The following ROS1 variants were observed in gnomAD, a reference collection of about 807,000 sequenced individuals.
ROS1 encodes proto-oncogene tyrosine-protein kinase ROS.
Under a neutral mutation model 273.5 loss-of-function variants are expected in ROS1, and 263 were observed. The observed-to-expected ratio is 0.96, with a 90% confidence interval of 0.87 to 1.06. ROS1 has a LOEUF of 1.06. Among genes scored for constraint, ROS1 ranks in the 50% least tolerant of loss-of-function variants. The pLI, the probability that ROS1 is intolerant of heterozygous loss-of-function variation, is 0.00. For synonymous variants in ROS1, 1,008 were observed against 954.1 expected, an observed-to-expected ratio of 1.06 and a Z score of -1.04; for missense variants, 2,833 against 2,751.1, an observed-to-expected ratio of 1.03 and a Z score of -0.67.
chr6:117,360,002 G>A lies in ROS1; in HGVS notation c.3440C>T (p.Pro1147Leu). The change falls in exon 24 of 44, where the codon CCA (proline) becomes CTA (leucine). Residue 1147 changes from proline (P) to leucine (L), a missense_variant. Transcript: ENST00000368507. ...AAGAAGAGTTATGAGGTGAGGAAATGGGTTGATTTCTGAAAGCAAAAAAAC... is the reference window on the plus strand; with the variant it reads ...AAGAAGAGTTATGAGGTGAGGAAATAGGTTGATTTCTGAAAGCAAAAAAAC... ...VVKSTTSEIN[P>L]FPHLITLLGN... 1.2e-6 allele frequency: 2 copies of A among 1,612,836 alleles called. No individual in the cohort carries two copies. Among genetic ancestry groups the A allele is most frequent in the Non-Finnish European group, 1.7e-6 (2 of 1,179,412 alleles).
rs1461676764 is a variant in ROS1 at position 117,319,955 on chromosome 6, C to T, written c.5835G>A (p.Leu1945=). 6.2e-7 allele frequency: 1 copy of T among 1,613,502 alleles called. No homozygotes were observed. Among genetic ancestry groups the T allele is most frequent in the Admixed American group, 1.7e-5 (1 of 59,898 alleles). ...PREKLTLRLL[L]GSGAFGEVYE... is the part of the protein sequence containing the mutation. ...ACACTTCTCCAAAGGCTCCACTTCC[C>T]AGCAAGAGACGCAGAGTCAGTTTTT... Residue 1945 remains leucine, a synonymous_variant, in exon 37 of 44, where the codon CTG becomes CTA. Coordinates refer to ENST00000368507, the MANE Select transcript of ROS1 (RefSeq NM_001378902.1).
At chr6:117,345,255 A>G (rs1324812662) in intron 27 of ROS1, among the ~76,000 whole-genome samples, 1 of 152,178 alleles carries the variant, frequency 6.6e-6, no homozygotes, top group East Asian at 1.9e-4. Flanking sequence ...TTCAGGTTGG[A>G]ATGATCTTCC....
At chr6:117,396,384 T>C in intron 8 of ROS1, 120 bp from the exon 9 acceptor site, 1 of 720,626 alleles carries the variant, frequency 1.4e-6, no homozygotes, top group Non-Finnish European at 2.5e-6. Flanking sequence ...ATGAGTCTAG[T>C]TACGTGGTGC....
At chr6:117,375,515 C>T (rs1349383951) in intron 18 of ROS1, among the ~76,000 whole-genome samples, 1 of 152,106 alleles carries the variant, frequency 6.6e-6, no homozygotes, top group Non-Finnish European at 1.5e-5. Context: ...AATCTGTACC[C>T]CAAACCCCCA....
intron 2 of ROS1, among the ~76,000 whole-genome samples, chr6:117,416,825 G>T (rs911102164): frequency 2.6e-5 from 4 of 152,102 alleles, no homozygotes; most frequent in Non-Finnish European, 5.9e-5. Context: ...ACCCTGAGTT[G>T]CCCTGACCTG....
intron 19 of ROS1, 39 bp from the exon 20 acceptor site, chr6:117,365,780 A>T (rs2243383): frequency 0.51 from 734,051 of 1,431,744 alleles, 190,449 homozygotes; most frequent in African/African-American, 0.7. Flanking sequence ...GGAGAAAAAA[A>T]TGGGGATTAT....
chr6:117,294,286 T>C (rs897318787), intron 43 of ROS1, among the ~76,000 whole-genome samples: 3 of 152,074 alleles, frequency 2.0e-5, no homozygotes, highest in African/African-American at 7.2e-5. Flanking sequence ...TTATTCAACA[T>C]AGTACTGTAA....
At chr6:117,307,597 T>G (rs1775201815) in intron 42 of ROS1, among the ~76,000 whole-genome samples, 1 of 152,154 alleles carries the variant, frequency 6.6e-6, no homozygotes, top group Non-Finnish European at 1.5e-5. Flanking sequence ...TGAATCATTT[T>G]TTATGCACTA....
At chr6:117,322,130 A>T (rs1290908237) in intron 35 of ROS1, among the ~76,000 whole-genome samples, 1 of 152,148 alleles carries the variant, frequency 6.6e-6, no homozygotes, top group Non-Finnish European at 1.5e-5. Context: ...GATGATCATT[A>T]AAATTTGAAC....
intron 26 of ROS1, among the ~76,000 whole-genome samples, chr6:117,353,957 T>C (rs752219614): frequency 2.0e-5 from 3 of 152,126 alleles, no homozygotes; most frequent in Non-Finnish European, 2.9e-5. Context: ...TAAGAGAATA[T>C]TAACTAGCTG....
At chr6:117,332,819 GA>G in intron 32 of ROS1, among the ~76,000 whole-genome samples, 1 of 152,116 alleles carries the variant, frequency 6.6e-6, no homozygotes, top group Non-Finnish European at 1.5e-5. Context: ...CAATGTACCA[GA>G]ATCTCTGGGA....
chr6:117,407,646 T>C (rs573605855), intron 5 of ROS1, among the ~76,000 whole-genome samples: 1 of 152,306 alleles, frequency 6.6e-6, no homozygotes, highest in East Asian at 1.9e-4. Flanking sequence ...CTGCCCAAAG[T>C]AATTTACAGA....
At chr6:117,306,703 C>T (rs1304350733) in intron 42 of ROS1, among the ~76,000 whole-genome samples, 1 of 152,116 alleles carries the variant, frequency 6.6e-6, no homozygotes, top group Non-Finnish European at 1.5e-5. Context: ...CTAAGCTGGG[C>T]CTGTGATCTC....
chr6:117,341,856 A>T (rs1479127523), intron 29 of ROS1, among the ~76,000 whole-genome samples: 1 of 152,202 alleles, frequency 6.6e-6, no homozygotes, highest in Non-Finnish European at 1.5e-5. Context: ...ACTCCAGCTC[A>T]AGGATATGGC....
intron 32 of ROS1, among the ~76,000 whole-genome samples, chr6:117,333,277 C>T (rs1443713548): frequency 1.3e-5 from 2 of 151,262 alleles, no homozygotes; most frequent in East Asian, 1.9e-4. Context: ...TGGATGCATA[C>T]ACCAAGACTA....
intron 31 of ROS1, among the ~76,000 whole-genome samples, chr6:117,337,611 C>G (rs1777577194): frequency 6.6e-6 from 1 of 151,934 alleles, no homozygotes; most frequent in Admixed American, 6.6e-5. Flanking sequence ...GAGGAAGATT[C>G]AGAGCTATGA....
chr6:117,374,039 CA>C (rs1781106814), intron 18 of ROS1, among the ~76,000 whole-genome samples: 1 of 152,216 alleles, frequency 6.6e-6, no homozygotes, highest in Non-Finnish European at 1.5e-5. Context: ...TGGGTAGAAT[CA>C]CTATTGTGAA....
At chr6:117,312,534 C>T (rs1437003697) in intron 39 of ROS1, among the ~76,000 whole-genome samples, 1 of 152,102 alleles carries the variant, frequency 6.6e-6, no homozygotes, top group African/African-American at 2.4e-5. Context: ...TTCCTGTGTA[C>T]ATGGAACCCT....
At chr6:117,345,037 A>T (rs1416244025) in intron 27 of ROS1, among the ~76,000 whole-genome samples, 1 of 152,230 alleles carries the variant, frequency 6.6e-6, no homozygotes, top group Non-Finnish European at 1.5e-5. Flanking sequence ...TAATATGCAA[A>T]TAACTCCAAA....
Sources: gnomAD v4.1 joint callset for allele counts (sites outside exome capture counted in the v4.1 genomes callset) on GRCh38, gnomAD v4.1.1 for gene constraint, MANE v1.5 for transcripts, NCBI Gene and HGNC (gene_info 2026-07-23, HGNC 2026-07-21) for gene names.